GRID2: variants seen among roughly 807,000 people sequenced by gnomAD.
The protein encoded by GRID2 is glutamate receptor ionotropic, delta-2.
GRID2 carries 33 observed loss-of-function variants against 114.8 expected under a neutral mutation model. The observed-to-expected ratio is 0.29, with a 90% confidence interval of 0.22 to 0.38. The LOEUF (loss-of-function observed/expected upper bound fraction) is 0.38. Ranked by LOEUF, GRID2 falls within the 10% of genes least tolerant of loss-of-function variation. GRID2 has a pLI of 1.00. For missense variants in GRID2, 1,184 were observed against 1,257.7 expected (o/e 0.94, Z 0.89); for synonymous variants, 505 against 449.9 (o/e 1.12, Z -1.55).
chr4:92,389,729 C>A (rs189607626), intron 1 of GRID2, among the ~76,000 whole-genome samples: 12 of 152,056 alleles, frequency 7.9e-5, no homozygotes, highest in Non-Finnish European at 1.5e-4. Flanking sequence ...TGATATGGAA[C>A]TGGGTAGGCT....
At chr4:92,492,087 T>G (rs1400535936) in intron 1 of GRID2, among the ~76,000 whole-genome samples, 1 of 152,314 alleles carries the variant, frequency 6.6e-6, no homozygotes, top group East Asian at 1.9e-4. Context: ...GTTATATCTA[T>G]CCTAAAAGGC....
intron 1 of GRID2, among the ~76,000 whole-genome samples, chr4:92,450,189 T>C (rs912940668): frequency 6.6e-6 from 1 of 152,130 alleles, no homozygotes; most frequent in African/African-American, 2.4e-5. Context: ...GATATTATAA[T>C]AATGTCATAT....
chr4:93,117,683 C>G (rs1733404796), intron 4 of GRID2, among the ~76,000 whole-genome samples: 1 of 151,998 alleles, frequency 6.6e-6, no homozygotes, highest in South Asian at 2.1e-4. Context: ...AGTGATTTCC[C>G]TGTTTAAAAT....
At chr4:93,623,602 T>G (rs1206955428) in intron 13 of GRID2, among the ~76,000 whole-genome samples, 2 of 152,188 alleles carry the variant, frequency 1.3e-5, no homozygotes, top group Non-Finnish European at 2.9e-5. Context: ...CCAACAATGA[T>G]AGACTGGATA....
rs143663682 is a variant in GRID2 at position 93,182,891 on chromosome 4, C to G, written c.736-24513C>G. ...CTGGCAAAGTGTTAGAAAGCAAATT[C>G]TTGGGCACCAGCCCAGACCTACTGA... is the stretch of plus-strand genomic sequence containing the variant. On this transcript the variant is annotated intron_variant, in intron 4 of 15. Transcript: ENST00000282020. 4.2e-3 allele frequency among the ~76,000 whole-genome samples: 637 copies of G among 152,322 alleles called. 8 individuals carry two copies. Among genetic ancestry groups the G allele is most frequent in the African/African-American group, 0.015 (614 of 41,574 alleles).
At chr4:93,316,512 C>G (rs1003567145) in intron 8 of GRID2, among the ~76,000 whole-genome samples, 2 of 152,030 alleles carry the variant, frequency 1.3e-5, no homozygotes, top group African/African-American at 4.8e-5. Flanking sequence ...ATTACCCAAA[C>G]AGGAGGTTCA....
intron 1 of GRID2, among the ~76,000 whole-genome samples, chr4:92,441,531 G>C (rs1392400821): frequency 6.6e-6 from 1 of 152,140 alleles, no homozygotes; most frequent in African/African-American, 2.4e-5. Flanking sequence ...GGGGTGGATA[G>C]GCAAAACAAT....
chr4:92,420,685 T>A (rs906160095), intron 1 of GRID2, among the ~76,000 whole-genome samples: 2 of 152,048 alleles, frequency 1.3e-5, no homozygotes, highest in African/African-American at 4.8e-5. Flanking sequence ...ATGTTTTTTG[T>A]TTTGTTTTGT....
chr4:92,640,004 A>G (rs1470656248), intron 2 of GRID2, among the ~76,000 whole-genome samples: 4 of 151,846 alleles, frequency 2.6e-5, no homozygotes, highest in Admixed American at 2.0e-4. Context: ...CTGAAATGCC[A>G]TAAAACACTT....
At chr4:93,049,839 A>G (rs966589866) in intron 2 of GRID2, among the ~76,000 whole-genome samples, 2 of 152,124 alleles carry the variant, frequency 1.3e-5, no homozygotes, top group South Asian at 2.1e-4. Context: ...GTCTTACTCA[A>G]TAGAGTTCCA....
chr4:92,567,844 T>C (rs1358253229), intron 1 of GRID2, among the ~76,000 whole-genome samples: 3 of 152,064 alleles, frequency 2.0e-5, no homozygotes, highest in Admixed American at 1.3e-4. Context: ...TAATATGCGA[T>C]GAACACATTT....
chr4:93,785,462 T>C (rs113830392), intron 1 of GRID2, among the ~76,000 whole-genome samples: 36 of 152,270 alleles, frequency 2.4e-4, no homozygotes, highest in African/African-American at 8.7e-4. Flanking sequence ...GTTTTTCAGA[T>C]CATGTGACCA....
rs547528414 is a variant in GRID2, at chr4:92,648,605, C to T, written c.244+58319C>T. ...GAAAATTTAAAAATAATAAAAATGC[C>T]ATGTTAAGAGTAATTAATAAGACTG... On this transcript the variant is annotated intron_variant, in intron 2 of 15. Coordinates refer to ENST00000282020, the MANE Select transcript of GRID2 (RefSeq NM_001510.4). 9.1e-4 allele frequency among the ~76,000 whole-genome samples: 136 copies of T among 149,264 alleles called. 8 individuals carry two copies. Among genetic ancestry groups the T allele is most frequent in the Non-Finnish European group, 1.7e-3 (116 of 67,524 alleles).
chr4:93,085,421 C>T, intron 3 of GRID2, 142 bp downstream of exon 3: 1 of 680,172 alleles, frequency 1.5e-6, no homozygotes, highest in Non-Finnish European at 2.5e-6. Context: ...ATAAACATAG[C>T]AACAACTGAA....
chr4:93,416,942 A>C (rs1224599313), intron 9 of GRID2, among the ~76,000 whole-genome samples: 1 of 152,090 alleles, frequency 6.6e-6, no homozygotes, highest in African/African-American at 2.4e-5. Context: ...CGTTTGTTCC[A>C]GTTGCTGAGG....
At chr4:93,459,962 T>C (rs191742493) in intron 11 of GRID2, among the ~76,000 whole-genome samples, 108 of 152,308 alleles carry the variant, frequency 7.1e-4, no homozygotes, top group Admixed American at 1.6e-3. Flanking sequence ...ACTAAATATT[T>C]CTAGAAGTGG....
At chr4:93,304,570 T>A (rs1196487189) in intron 8 of GRID2, among the ~76,000 whole-genome samples, 1 of 152,022 alleles carries the variant, frequency 6.6e-6, no homozygotes, top group African/African-American at 2.4e-5. Flanking sequence ...AAGAAAATAA[T>A]ACCAGTTTCA....
intron 8 of GRID2, among the ~76,000 whole-genome samples, chr4:93,364,381 C>T (rs1340294307): frequency 6.6e-6 from 1 of 152,056 alleles, no homozygotes; most frequent in Non-Finnish European, 1.5e-5. Context: ...AACTATCATA[C>T]TTGGGTTAGA....
intron 7 of GRID2, among the ~76,000 whole-genome samples, chr4:93,226,337 A>T (rs1745481484): frequency 6.6e-6 from 1 of 152,210 alleles, no homozygotes; most frequent in East Asian, 1.9e-4. Context: ...CTGATTATCT[A>T]CTTCCAAAAT....
Sources: allele counts gnomAD v4.1 joint callset (sites outside exome capture counted in the v4.1 genomes callset), GRCh38; gene constraint gnomAD v4.1.1; transcripts MANE v1.5; gene names NCBI Gene and HGNC (gene_info 2026-07-23, HGNC 2026-07-21).